The following PRSS23 variants were observed in gnomAD, a reference collection of about 807,000 sequenced individuals.
PRSS23 encodes the protein protease, serine 23.
Under a neutral mutation model 34.7 loss-of-function variants are expected in PRSS23, and 25 were observed. The observed-to-expected ratio is 0.72, with a 90% confidence interval of 0.53 to 1.01. The LOEUF is 1.01. Ranked by LOEUF, PRSS23 falls within the 50% of genes least tolerant of loss-of-function variation. The pLI, the probability that PRSS23 is intolerant of heterozygous loss-of-function variation, is 0.00. For synonymous variants in PRSS23, 176 were observed against 186.6 expected, an observed-to-expected ratio of 0.94 and a Z score of 0.46; for missense variants, 445 against 475.6, an observed-to-expected ratio of 0.94 and a Z score of 0.60.
At chr11:86,906,269 G>A (rs1948941497) in intron 2 of PRSS23, among the ~76,000 whole-genome samples, 3 of 152,238 alleles carry the variant, frequency 2.0e-5, no homozygotes, top group Admixed American at 2.0e-4. Flanking sequence ...TTGTGCCCAG[G>A]AAACCAAACC....
chr11:86,881,579 C>T (rs181767678), intron 2 of PRSS23, among the ~76,000 whole-genome samples: 2 of 152,082 alleles, frequency 1.3e-5, no homozygotes, highest in Admixed American at 1.3e-4. Context: ...GATGTCTTTG[C>T]CTGATTTAAA....
At chr11:86,856,351 C>T (rs1948571172) in intron 2 of PRSS23, among the ~76,000 whole-genome samples, 1 of 151,952 alleles carries the variant, frequency 6.6e-6, no homozygotes, top group Non-Finnish European at 1.5e-5. Flanking sequence ...TCTGCATGCC[C>T]ACACAGGTGC....
At chr11:86,901,265 A>G (rs1488173751) in intron 2 of PRSS23, among the ~76,000 whole-genome samples, 5 of 152,152 alleles carry the variant, frequency 3.3e-5, no homozygotes, top group Non-Finnish European at 7.3e-5. Context: ...ACATTGACCA[A>G]TATGCACCTA....
chr11:86,795,500 C>T (rs76450555), intron 1 of PRSS23, among the ~76,000 whole-genome samples: 2,258 of 152,350 alleles, frequency 0.015, 63 homozygotes, highest in African/African-American at 0.051. Context: ...TGGTAGGCAC[C>T]GTGGGTGCCC....
intron 2 of PRSS23, chr11:86,833,472 T>C (rs1484418727): frequency 2.5e-6 from 1 of 404,930 alleles, no homozygotes; most frequent in Non-Finnish European, 4.6e-6. Flanking sequence ...AGTTCGGACA[T>C]GTATATATAT....
At chr11:86,893,685 G>A (rs1424195518) in intron 2 of PRSS23, among the ~76,000 whole-genome samples, 3 of 152,112 alleles carry the variant, frequency 2.0e-5, no homozygotes, top group African/African-American at 7.2e-5. Flanking sequence ...TGTATATTTT[G>A]TGCCCAAAAT....
chr11:86,807,578 TA>T lies in PRSS23; in HGVS notation c.-13-50del, dbSNP rs1948116107. 6 of 1,455,376 alleles carry T rather than the reference TA, an allele frequency of 4.1e-6. No individual in the cohort carries two copies. In the South Asian group the frequency reaches 8.0e-5, roughly 19 times the overall value. The allele number at this position is 1,455,376 out of a possible 1,614,324, so 90.2% of individuals were successfully genotyped here. On this transcript the variant is annotated intron_variant, in intron 1 of 1. Coordinates refer to ENST00000280258, the MANE Select transcript of PRSS23 (RefSeq NM_007173.6). Reference sequence around the variant, plus strand: ...TGCTGCTGAGCTTTGCTGTCTGCAGTAAATGAACGTTCAGCCCTTGCCCTCC... The same window carrying T: ...TGCTGCTGAGCTTTGCTGTCTGCAGTAATGAACGTTCAGCCCTTGCCCTCC...
rs147955901 is a variant in PRSS23, at chr11:86,870,399, C to T, written c.206+46806C>T. ...ACTGTGTTTAGTTCCCTGGATCCCT[C>T]GTAACCTATTTCCTTTTATCAGCCC... On this transcript the variant is annotated intron_variant, in intron 2 of 2. Coordinates refer to the PRSS23 transcript ENST00000533902. Among the ~76,000 whole-genome samples, 285 of 152,234 alleles carry T rather than the reference C, an allele frequency of 1.9e-3. 2 individuals are homozygous for T. Among genetic ancestry groups the T allele is most frequent in the African/African-American group, 6.3e-3 (260 of 41,530 alleles).
intron 2 of PRSS23, among the ~76,000 whole-genome samples, chr11:86,908,280 C>G (rs2134990850): frequency 6.6e-6 from 1 of 152,310 alleles, no homozygotes; most frequent in East Asian, 1.9e-4. Context: ...AAACTCCATA[C>G]TGCTTTCCAT....
intron 2 of PRSS23, among the ~76,000 whole-genome samples, chr11:86,884,446 C>T (rs11234863): frequency 0.086 from 13,142 of 152,040 alleles, 618 homozygotes; most frequent in East Asian, 0.19. Context: ...ATTACAGGCA[C>T]GTGCCACCAA....
downstream of PRSS23, among the ~76,000 whole-genome samples, chr11:86,811,542 T>C (rs1948178443): frequency 6.6e-6 from 1 of 152,180 alleles, no homozygotes. Flanking sequence ...GAAAAGGAGA[T>C]AGTGTTTTTA....
chr11:86,883,168 T>C (rs1212155056), intron 2 of PRSS23, among the ~76,000 whole-genome samples: 1 of 152,102 alleles, frequency 6.6e-6, no homozygotes, highest in Non-Finnish European at 1.5e-5. Context: ...GTTTACTCCG[T>C]TGAAAAAAGA....
upstream of PRSS23, chr11:86,800,231 G>GT (rs1948012996): frequency 3.2e-5 from 5 of 156,508 alleles, 1 homozygote; most frequent in Admixed American, 3.3e-4. Context: ...TGTTCAAAGG[G>GT]TGACGGCGCG....
intron 1 of PRSS23, among the ~76,000 whole-genome samples, chr11:86,794,944 A>G (rs112329229): frequency 1.3e-5 from 2 of 152,308 alleles, no homozygotes; most frequent in African/African-American, 4.8e-5. Flanking sequence ...ATGGTACCAT[A>G]GAGGAGATTG....
At chr11:86,895,312 T>A (rs1426760714) in intron 2 of PRSS23, among the ~76,000 whole-genome samples, 1 of 152,098 alleles carries the variant, frequency 6.6e-6, no homozygotes, top group Admixed American at 6.6e-5. Flanking sequence ...GCTTCTGCTT[T>A]CACCTTCACT....
intron 2 of PRSS23, chr11:86,946,710 G>A (rs1254775792): frequency 6.6e-6 from 1 of 152,566 alleles, no homozygotes; most frequent in African/African-American, 2.4e-5. Context: ...CAAGATCTAT[G>A]ATCTAACCCT....
intron 2 of PRSS23, among the ~76,000 whole-genome samples, chr11:86,861,241 G>GC (rs1346280649): frequency 3.3e-5 from 5 of 149,820 alleles, no homozygotes; most frequent in Non-Finnish European, 5.9e-5. Flanking sequence ...GGGAGAGGGG[G>GC]GCGATATTAC....
Position 86,808,837 on chromosome 11 carries a change from C to A in PRSS23, c.*42C>A. The A allele has an allele frequency of 1.3e-6, 2 of 1,534,918 alleles. No homozygotes were observed. Among genetic ancestry groups the A allele is most frequent in the South Asian group, 1.3e-5 (1 of 79,452 alleles). ...GGCAGCAATTAAGGGTCTTCATGTT[C>A]TTATTTTAGGAGAGGCCAAATTGTT... On this transcript the variant is annotated 3_prime_UTR_variant, in exon 2 of 2. Transcript: ENST00000280258.
At chr11:86,804,674 T>C (rs1948078842) in intron 1 of PRSS23, among the ~76,000 whole-genome samples, 1 of 152,220 alleles carries the variant, frequency 6.6e-6, no homozygotes, top group African/African-American at 2.4e-5. Context: ...GAATTAGTAA[T>C]ATTCTATCAT....
Sources: allele counts gnomAD v4.1 joint callset (sites outside exome capture counted in the v4.1 genomes callset), GRCh38; gene constraint gnomAD v4.1.1; transcripts MANE v1.5; gene names NCBI Gene and HGNC (gene_info 2026-07-23, HGNC 2026-07-21).